PRPF31: variants seen among roughly 807,000 people sequenced by gnomAD.
PRPF31 encodes the protein U4/U6 small nuclear ribonucleoprotein Prp31.
A neutral mutation model predicts 60.4 loss-of-function variants in PRPF31; 12 were observed. The observed-to-expected ratio is 0.20, with a 90% CI of 0.13 to 0.32. The LOEUF (loss-of-function observed/expected upper bound fraction) is 0.32. Among genes scored for constraint, PRPF31 ranks in the 10% least tolerant of loss-of-function variants. PRPF31 has a pLI of 1.00. For missense variants in PRPF31, 431 were observed against 687.1 expected (o/e 0.63, Z 4.17); for synonymous variants, 287 against 287.9 (o/e 1.00, Z 0.03).
rs776730311 is a variant in PRPF31, at chr19:54,121,895, G to A, written c.274G>A (p.Val92Ile). 2.5e-5 allele frequency: 40 copies of A among 1,612,768 alleles called. No individual in the cohort carries two copies. Among genetic ancestry groups the A allele is most frequent in the South Asian group, 7.7e-5 (7 of 90,770 alleles). Residue 92 changes from valine (V) to isoleucine (I), a missense_variant, in exon 4 of 14, where the codon GTC (valine) becomes ATC (isoleucine). Physicochemically the swap from Val to Ile is conservative, Grantham distance 29 (BLOSUM62 3). Around this residue, in one of 4 missense-constraint regions of PRPF31, gnomAD observed 113 missense variants for 173.8 expected, o/e 0.65. Transcript: ENST00000321030. Reference sequence around the variant, plus strand: ...AGTGGAGGCCGCGCCTGAATACCGCGTCATCGTGGATGCCAACAACCTGAC... The same window carrying A: ...AGTGGAGGCCGCGCCTGAATACCGCATCATCGTGGATGCCAACAACCTGAC... The part of the protein sequence containing the change: ...GPVEAAPEYR[V>I]IVDANNLTVE...
At chr19:54,126,791 T>G (rs1408256147) in intron 9 of PRPF31, among the ~76,000 whole-genome samples, 174 bp downstream of exon 9, 4 of 152,184 alleles carry the variant, frequency 2.6e-5, no homozygotes, top group Non-Finnish European at 5.9e-5. Context: ...CAGTGGGGTT[T>G]CCTAGGTCTG....
Position 54,118,637 on chromosome 19 carries a change from C to G in PRPF31, c.238+4C>G. 6.2e-7 allele frequency: 1 copy of G among 1,613,872 alleles called. No homozygotes were observed. ...AAGCAAGCCAAAGCTTCAGAAGGTG[C>G]TTCCTCCCACTCTGTGCCCCTCCCC... On this transcript the variant is annotated splice_donor_region_variant and intron_variant, in intron 3 of 13. Coordinates refer to ENST00000321030, the MANE Select transcript of PRPF31 (RefSeq NM_015629.4).
chr19:54,121,857 C>T lies in PRPF31; in HGVS notation c.239-3C>T. Reference sequence around the variant, plus strand: ...TCACACCCATGCCTCCGTGTCCTCACAGTGATGGGACCAGTGGAGGCCGCG... The same window carrying T: ...TCACACCCATGCCTCCGTGTCCTCATAGTGATGGGACCAGTGGAGGCCGCG... On this transcript the variant is annotated splice_polypyrimidine_tract_variant and splice_region_variant and intron_variant, in intron 3 of 13. Transcript: ENST00000321030. 2 of 1,609,624 alleles carry T rather than the reference C, an allele frequency of 1.2e-6. No individual in the cohort carries two copies. Among genetic ancestry groups the T allele is most frequent in the Non-Finnish European group, 1.7e-6 (2 of 1,178,060 alleles).
At chr19:54,121,263 A>G (rs2146405915) in intron 3 of PRPF31, among the ~76,000 whole-genome samples, 1 of 151,092 alleles carries the variant, frequency 6.6e-6, no homozygotes, top group East Asian at 2.0e-4. Context: ...AGATCATGCC[A>G]CTATACTCTA....
rs2073707317 is a variant in PRPF31 at position 54,118,532 on chromosome 19, T to C, written c.178-41T>C. ...GAAGGGGGTGATACAGGCTTCTTTT[T>C]GAAGAGTGCTGGATTCTGACTGTCT... On this transcript the variant is annotated intron_variant, in intron 2 of 13. Transcript: ENST00000321030. 3.1e-6 allele frequency: 5 copies of C among 1,613,922 alleles called. No homozygotes were observed. The East Asian group carries it at 1.1e-4, about 36-fold the overall frequency.
At chr19:54,117,572 C>T (rs1404698186) in intron 1 of PRPF31, among the ~76,000 whole-genome samples, 9 of 151,788 alleles carry the variant, frequency 5.9e-5, no homozygotes, top group Admixed American at 2.0e-4. Context: ...TGCGGCGAGG[C>T]GCGGTGGCTT....
intron 8 of PRPF31, among the ~76,000 whole-genome samples, chr19:54,126,307 C>T (rs954966948): frequency 2.0e-5 from 3 of 152,324 alleles, no homozygotes; most frequent in Middle Eastern, 3.4e-3. Context: ...GTCATCCTTA[C>T]CTGATGGCCA....
At chr19:54,116,600 A>G (rs2073647388) in intron 1 of PRPF31, among the ~76,000 whole-genome samples, 1 of 152,256 alleles carries the variant, frequency 6.6e-6, no homozygotes, top group Admixed American at 6.5e-5. Flanking sequence ...CTACCCTCTT[A>G]GAGCTTTGGT....
intron 8 of PRPF31, 141 bp from the exon 9 acceptor site, chr19:54,126,385 GCA>G (rs2073921094): frequency 1.3e-6 from 1 of 744,776 alleles, no homozygotes; most frequent in Admixed American, 2.0e-5. Context: ...GGAGCTGAGA[GCA>G]CACACCTCTA....
At chr19:54,129,513 G>C in intron 13 of PRPF31, 143 bp downstream of exon 13, 1 of 1,062,010 alleles carries the variant, frequency 9.4e-7, no homozygotes, top group South Asian at 1.5e-5. Context: ...AGAGGACGTA[G>C]ACAGCTCCTG....
chr19:54,118,654 C>A (rs758896340), intron 3 of PRPF31, 21 bp downstream of exon 3: 1 of 1,612,560 alleles, frequency 6.2e-7, no homozygotes, highest in South Asian at 1.1e-5. Context: ...CCACTCTGTG[C>A]CCCTCCCCAT....
chr19:54,129,327 G>A lies in PRPF31; in HGVS notation c.1331G>A (p.Arg444His). The A allele has an allele frequency of 6.2e-7, 1 of 1,605,222 alleles. No individual in the cohort carries two copies. Among genetic ancestry groups the A allele is most frequent in the Non-Finnish European group, 8.5e-7 (1 of 1,176,676 alleles). Reference sequence around the variant, plus strand: ...GGCGGGAAGTCCACCATCCGCGACCGCTCCTCGGGCACGGCCTCCAGCGTG... The same window carrying A: ...GGCGGGAAGTCCACCATCCGCGACCACTCCTCGGGCACGGCCTCCAGCGTG... ...VYGGKSTIRDRSSGTASSVAF... is the reference protein window; with the variant it reads ...VYGGKSTIRDHSSGTASSVAF... The change falls in exon 13 of 14, where the codon CGC becomes CAC. Residue 444 changes from arginine (R) to histidine (H), a missense_variant. By Grantham distance (29) the Arg-to-His change is conservative. Around this residue, in one of 4 missense-constraint regions of PRPF31, gnomAD observed 314 missense variants for 475.3 expected, o/e 0.66. Transcript: ENST00000321030.
At chr19:54,117,683 CAAAAAAA>C (rs57949221) in intron 1 of PRPF31, among the ~76,000 whole-genome samples, 4 of 80,472 alleles carry the variant, frequency 5.0e-5, no homozygotes, top group East Asian at 4.0e-4. Flanking sequence ...CTTGACTCTA[CAAAAAAA>C]AAAAAAAAAA....
At chr19:54,118,520 C>A (rs1476515473) in intron 2 of PRPF31, 53 bp from the exon 3 acceptor site, 3 of 1,613,504 alleles carry the variant, frequency 1.9e-6, no homozygotes, top group Non-Finnish European at 2.5e-6. Flanking sequence ...GGGGGTGATA[C>A]AGGCTTCTTT....
intron 1 of PRPF31, among the ~76,000 whole-genome samples, chr19:54,117,325 G>C (rs1471623274): frequency 6.6e-6 from 1 of 152,170 alleles, no homozygotes; most frequent in East Asian, 1.9e-4. Context: ...ACCATTTCAA[G>C]CTTTAGGCTG....
At chr19:54,124,161 C>G (rs1004650655) in intron 7 of PRPF31, 2 of 809,218 alleles carry the variant, frequency 2.5e-6, no homozygotes, top group Admixed American at 5.8e-5. Context: ...CACCCAGGCC[C>G]TGTTGTCAGG....
chr19:54,128,179 G>A lies in PRPF31; in HGVS notation c.1052G>A (p.Arg351Gln). The part of the protein sequence containing the change: ...KPLPAPLDGQ[R>Q]KKRGGRRYRK... ...CTGCCTGCGCCCCTGGATGGACAGC[G>A]GAAGAAGCGAGGCGGCCGCAGGTGA... Residue 351 changes from arginine (R) to glutamine (Q), a missense_variant, in exon 10 of 14, where the codon CGG (arginine) becomes CAG (glutamine). Transcript: ENST00000321030. 1.9e-6 allele frequency: 3 copies of A among 1,569,232 alleles called. No individual in the cohort carries two copies. The highest frequency in any genetic ancestry group is 1.3e-5 in the African/African-American group (1 of 74,716).
intron 5 of PRPF31, chr19:54,123,103 A>T (rs2073833435): frequency 6.1e-6 from 3 of 494,594 alleles, no homozygotes; most frequent in Non-Finnish European, 7.4e-6. Context: ...CATGTCCAGG[A>T]AAGGATTAGG....
intron 4 of PRPF31, 51 bp downstream of exon 4, chr19:54,121,994 C>A: frequency 6.5e-7 from 1 of 1,538,216 alleles, no homozygotes; most frequent in Non-Finnish European, 8.9e-7. Context: ...TCCCTCACGC[C>A]CCCTCTCCCT....
Sources: gnomAD v4.1 joint callset for allele counts (sites outside exome capture counted in the v4.1 genomes callset) on GRCh38, gnomAD v4.1.1 for gene constraint, gnomAD v4.1.1 regional missense constraint, MANE v1.5 for transcripts, NCBI Gene and HGNC (gene_info 2026-07-23, HGNC 2026-07-21) for gene names.